The following GIT2 variants were observed in gnomAD, a reference collection of about 807,000 sequenced individuals.
The protein encoded by GIT2 is ARF GTPase-activating protein GIT2.
A neutral mutation model predicts 100.3 loss-of-function variants in GIT2; 32 were observed. That is an observed-to-expected ratio of 0.32 (90% CI 0.24 to 0.43). The LOEUF is 0.43. GIT2 is among the 20% of genes least tolerant of loss of function. The pLI is 1.00. For missense variants in GIT2, 737 were observed against 975.1 expected (o/e 0.76, Z 3.25); for synonymous variants, 353 against 364.1 (o/e 0.97, Z 0.35).
intron 7 of GIT2, among the ~76,000 whole-genome samples, chr12:109,980,071 CA>C (rs538371789): frequency 2.3e-4 from 35 of 152,176 alleles, no homozygotes; most frequent in Non-Finnish European, 4.6e-4. Context: ...AAACTTTATT[CA>C]TTTATTTTTT....
chr12:109,952,489 C>T (rs1319888347), intron 13 of GIT2: 2 of 518,866 alleles, frequency 3.9e-6, no homozygotes, highest in Non-Finnish European at 7.7e-6. Context: ...GTGAGGCCCA[C>T]TCTCTTCCGT....
chr12:109,981,220 T>TA, intron 6 of GIT2, 174 bp from the exon 7 acceptor site: 1 of 578,004 alleles, frequency 1.7e-6, no homozygotes, highest in African/African-American at 1.9e-5. Context: ...CCCACTTTTA[T>TA]AAACTGTTTT....
intron 12 of GIT2, chr12:109,953,862 G>C (rs548287065): frequency 6.6e-6 from 1 of 152,384 alleles, no homozygotes; most frequent in South Asian, 2.1e-4. Context: ...AGTTTCTAGA[G>C]ATAGAGCCTA....
rs1220125594 is a variant in GIT2 at position 109,930,539 on chromosome 12, CG to C, written c.*2438del. ...TCTCAGATGAGGCCAAGGAAATGCG[CG>C]GGGCACATACAGAGAGGACGACCTG... is the stretch of plus-strand genomic sequence containing the variant. On this transcript the variant is annotated 3_prime_UTR_variant, in exon 20 of 20. Coordinates refer to ENST00000355312, the MANE Select transcript of GIT2 (RefSeq NM_057169.5). 6.6e-6 allele frequency: 1 copy of C among 152,178 alleles called. No homozygotes were observed. The highest frequency in any genetic ancestry group is 1.5e-5 in the Non-Finnish European group (1 of 68,038). The allele number at this position is 152,178 out of a possible 1,614,324, so 9.4% of individuals were successfully genotyped here. A position where few individuals can be genotyped will look rare whatever the true frequency, so the allele number is the denominator to read the frequency against.
rs1872589588 is a variant in GIT2, at chr12:109,934,981, A to AG, written c.2004-897dup. On this transcript the variant is annotated intron_variant, in intron 18 of 19. Coordinates refer to ENST00000355312, the MANE Select transcript of GIT2 (RefSeq NM_057169.5). This position sits in a 1 kb window ranked among gnomAD's most constrained non-coding sequence, Gnocchi z 4.5. Reference sequence around the variant, plus strand: ...TAATCCCAGCTACTCAGGAGGCTGAAGCAGGAGAATCGCTTGAACCCGGGA... The same window carrying AG: ...TAATCCCAGCTACTCAGGAGGCTGAAGGCAGGAGAATCGCTTGAACCCGGGA... Among the ~76,000 whole-genome samples the AG allele has an allele frequency of 6.6e-6, 1 of 152,030 alleles. No individual in the cohort carries two copies. Among genetic ancestry groups the AG allele is most frequent in the Non-Finnish European group, 1.5e-5 (1 of 67,986 alleles).
chr12:109,965,498 G>T (rs1369019796), intron 9 of GIT2, 28 bp downstream of exon 9: 1 of 1,419,460 alleles, frequency 7.0e-7, no homozygotes, highest in African/African-American at 1.4e-5. Context: ...TCTCATACTA[G>T]AGAAAACCAG....
At position 109,963,923 on chromosome 12, in the gene GIT2, C is replaced by T. The variant is rs540721592; in HGVS notation, c.816+1603G>A. 5.3e-5 allele frequency among the ~76,000 whole-genome samples: 8 copies of T among 152,240 alleles called. No homozygotes were observed. The South Asian group carries it at 1.2e-3, about 24-fold the overall frequency. On this transcript the variant is annotated intron_variant, in intron 9 of 19. Coordinates refer to ENST00000355312, the MANE Select transcript of GIT2 (RefSeq NM_057169.5). ...GGCACAGGGAGGCTAGGAAGCTTGG[C>T]AGGGCTGAGATATGTACTGACCAGT...
intron 15 of GIT2, among the ~76,000 whole-genome samples, chr12:109,946,949 A>G (rs1876507468): frequency 6.6e-6 from 1 of 152,164 alleles, no homozygotes; most frequent in Non-Finnish European, 1.5e-5. Flanking sequence ...GAAGGAAGGA[A>G]GCTTTACCAA....
chr12:109,981,082 C>T lies in GIT2; in HGVS notation c.624-36G>A, dbSNP rs745573288. On this transcript the variant is annotated intron_variant, in intron 6 of 19. Coordinates refer to ENST00000355312, the MANE Select transcript of GIT2 (RefSeq NM_057169.5). The stretch of plus-strand genomic sequence containing the variant: ...AAAACAAAGTACCATTTATATTGCT[C>T]ACTATTCACTGACTTTAAAATGGAG... 2.7e-5 allele frequency: 35 copies of T among 1,318,924 alleles called. No homozygotes were observed. The South Asian group carries it at 3.7e-4, about 14-fold the overall frequency. 81.7% of individuals were successfully genotyped at this position (1,318,924 alleles called of 1,614,324 possible). A position where few individuals can be genotyped will look rare whatever the true frequency, so the allele number is the denominator to read the frequency against.
At chr12:109,957,016 C>CA (rs569900190) in intron 12 of GIT2, among the ~76,000 whole-genome samples, 2,237 of 121,032 alleles carry the variant, frequency 0.018, 54 homozygotes, top group East Asian at 0.079. Context: ...AGACTCGTCT[C>CA]AAAAAAAAAA....
At chr12:109,984,474 G>A (rs115431458) in intron 4 of GIT2, among the ~76,000 whole-genome samples, 10,621 of 151,718 alleles carry the variant, frequency 0.07, 610 homozygotes, top group African/African-American at 0.15. Flanking sequence ...AAAGGGTCTC[G>A]CTTGCTCTGT....
rs1204023890 is a variant in GIT2, at chr12:109,983,363, G to A, written c.623+10C>T. The A allele has an allele frequency of 2.5e-6, 4 of 1,609,900 alleles. No homozygotes were observed. Among genetic ancestry groups the A allele is most frequent in the Non-Finnish European group, 3.4e-6 (4 of 1,178,638 alleles). ...CCCAGAGAGAAGTAGCGAGAATCTAGGTCTCTTACCTTGCATAATCAACGG... is the reference window on the plus strand; with the variant it reads ...CCCAGAGAGAAGTAGCGAGAATCTAAGTCTCTTACCTTGCATAATCAACGG... On this transcript the variant is annotated intron_variant, in intron 6 of 19. Coordinates refer to ENST00000355312, the MANE Select transcript of GIT2 (RefSeq NM_057169.5).
At chr12:109,939,064 G>A in intron 17 of GIT2, 101 bp downstream of exon 17, 1 of 723,164 alleles carries the variant, frequency 1.4e-6, no homozygotes, top group Non-Finnish European at 2.5e-6. Flanking sequence ...TGAAAATAGA[G>A]AAAAGGGGTG....
chr12:109,974,469 C>T (rs552758610), intron 7 of GIT2, among the ~76,000 whole-genome samples: 37 of 151,556 alleles, frequency 2.4e-4, no homozygotes, highest in South Asian at 2.1e-3. Flanking sequence ...GAGGTTGCAG[C>T]GAGCCAAGAT....
chr12:109,984,864 A>T (rs932165537), intron 4 of GIT2, among the ~76,000 whole-genome samples: 1 of 152,212 alleles, frequency 6.6e-6, no homozygotes, highest in Non-Finnish European at 1.5e-5. Flanking sequence ...TAGGACTTCA[A>T]ATTCTACACT....
chr12:109,956,609 C>T (rs1879545134), intron 12 of GIT2, among the ~76,000 whole-genome samples: 1 of 152,112 alleles, frequency 6.6e-6, no homozygotes, highest in African/African-American at 2.4e-5. Context: ...ATGGGATGTG[C>T]ACATGAGGAT....
chr12:109,988,202 C>T (rs1417120454), intron 4 of GIT2, among the ~76,000 whole-genome samples: 2 of 152,198 alleles, frequency 1.3e-5, no homozygotes, highest in Non-Finnish European at 2.9e-5. Context: ...CAGAGACTTA[C>T]TTTTCCTCTT....
Position 109,945,290 on chromosome 12 carries a change from A to G in GIT2, c.1701T>C (p.Leu567=), listed in dbSNP as rs1486446879. 5.1e-6 allele frequency: 8 copies of G among 1,579,718 alleles called. No homozygotes were observed. In the South Asian group the frequency reaches 7.8e-5, roughly 15 times the overall value. Residue 567 remains leucine (L), a synonymous_variant, in exon 16 of 20, where the codon CTT becomes CTC. Coordinates refer to ENST00000355312, the MANE Select transcript of GIT2 (RefSeq NM_057169.5). The stretch of plus-strand genomic sequence containing the variant: ...GGGCGCTTTCGTCCCTCGACCAGGA[A>G]AGTGTGGAGGGGAAGGAAGGCAGAG... ...SSSLPSFPST[L]SWSRDESARR...
chr12:109,986,334 A>C (rs759377665), intron 4 of GIT2, among the ~76,000 whole-genome samples: 1 of 152,192 alleles, frequency 6.6e-6, no homozygotes, highest in African/African-American at 2.4e-5. Flanking sequence ...TAGCACATCA[A>C]AAGTTAATCC....
Sources: gnomAD v4.1 joint callset for allele counts (sites outside exome capture counted in the v4.1 genomes callset) on GRCh38, gnomAD v4.1.1 for gene constraint, Gnocchi (gnomAD v3.1) non-coding constraint, MANE v1.5 for transcripts, NCBI Gene and HGNC (gene_info 2026-07-23, HGNC 2026-07-21) for gene names.